Variants in SETD5 observed in about 807,000 individuals in gnomAD.
SETD5 encodes the protein SET domain containing 5, also known as histone-lysine N-methyltransferase SETD5.
SETD5 carries 44 observed loss-of-function variants against 153.3 expected under a neutral mutation model. The ratio of observed to expected loss-of-function variants is 0.29; its 90% CI spans 0.23 to 0.37. The LOEUF (loss-of-function observed/expected upper bound fraction) is 0.37. SETD5 is among the 10% of genes least tolerant of loss of function. The probability of loss-of-function intolerance (pLI) is 1.00; values close to 1 mark genes in which losing one functional copy is unlikely to be tolerated. For missense variants in SETD5, 1,544 were observed against 1,768.0 expected, an observed-to-expected ratio of 0.87 and a Z score of 2.27; for synonymous variants, 716 against 645.2, an observed-to-expected ratio of 1.11 and a Z score of -1.66.
intron 7 of SETD5, chr3:9,436,754 C>A: frequency 9.6e-7 from 1 of 1,038,686 alleles, no homozygotes; most frequent in Non-Finnish European, 1.4e-6. Context: ...CAGAATAGAA[C>A]ACTAGTTTGT....
intron 18 of SETD5, among the ~76,000 whole-genome samples, chr3:9,466,219 C>A (rs1305757556): frequency 7.2e-6 from 1 of 138,622 alleles, no homozygotes; most frequent in African/African-American, 2.7e-5. Flanking sequence ...ACCCGGGAGG[C>A]GGAGCTTGCA....
At chr3:9,409,518 A>G (rs563582511) in intron 1 of SETD5, among the ~76,000 whole-genome samples, 2 of 152,198 alleles carry the variant, frequency 1.3e-5, no homozygotes, top group Admixed American at 1.3e-4. Context: ...CTTTTGATTC[A>G]TTCTTAATAC....
intron 2 of SETD5, among the ~76,000 whole-genome samples, chr3:9,427,669 G>A (rs900358910): frequency 1.3e-5 from 2 of 152,106 alleles, no homozygotes; most frequent in Admixed American, 1.3e-4. Context: ...ATGAATCAGT[G>A]TATCAGTCAT....
intron 17 of SETD5, among the ~76,000 whole-genome samples, chr3:9,454,622 C>CAAAAAAAAAAAAAAAA (rs67028533): frequency 2.4e-4 from 14 of 57,984 alleles, no homozygotes; most frequent in Admixed American, 3.1e-4. Flanking sequence ...AACTCCGTCT[C>CAAAAAAAAAAAAAAAA]AAAAAAAAAA....
intron 17 of SETD5, among the ~76,000 whole-genome samples, chr3:9,457,075 CTT>C (rs1355449774): frequency 1.3e-5 from 2 of 152,056 alleles, no homozygotes; most frequent in Admixed American, 1.3e-4. Context: ...AAAGCTGAAA[CTT>C]TATAGAAATA....
At chr3:9,472,023 A>C (rs2045356492) in intron 19 of SETD5, among the ~76,000 whole-genome samples, 1 of 152,248 alleles carries the variant, frequency 6.6e-6, no homozygotes, top group Admixed American at 6.5e-5. Flanking sequence ...TAGAAGGAGG[A>C]GGAAACATTG....
chr3:9,445,081 A>C lies in SETD5; in HGVS notation c.1221A>C (p.Gly407=). ...NYKVDCACHK[G]NRNCPIQKRN... is the part of the protein sequence containing the mutation. Reference sequence around the variant, plus strand: ...AAGTGGACTGTGCCTGTCACAAGGGAAACCGGAATTGTCCTATACAAAAAA... The same window carrying C: ...AAGTGGACTGTGCCTGTCACAAGGGCAACCGGAATTGTCCTATACAAAAAA... The change falls in exon 12 of 23, where the codon GGA becomes GGC. Residue 407 remains glycine, a synonymous_variant. Transcript: ENST00000402198. The C allele has an allele frequency of 6.2e-7, 1 of 1,613,894 alleles. No homozygotes were observed. Among genetic ancestry groups the C allele is most frequent in the East Asian group, 2.2e-5 (1 of 44,886 alleles).
intron 8 of SETD5, among the ~76,000 whole-genome samples, chr3:9,441,233 G>T (rs1360420841): frequency 6.6e-6 from 1 of 151,840 alleles, no homozygotes; most frequent in African/African-American, 2.4e-5. Context: ...AGAGAGAGAT[G>T]ACTTAGTATG....
chr3:9,458,940 T>C (rs1304067529), intron 17 of SETD5, among the ~76,000 whole-genome samples: 1 of 152,204 alleles, frequency 6.6e-6, no homozygotes, highest in Non-Finnish European at 1.5e-5. Context: ...GACACATCTT[T>C]ATTAATCAAA....
rs1351011344 is a variant in SETD5, at chr3:9,424,792, C to T, written c.-117+266C>T. Among the ~76,000 whole-genome samples, 9 of 152,172 alleles carry T rather than the reference C, an allele frequency of 5.9e-5. No individual in the cohort carries two copies. In the East Asian group the frequency reaches 1.4e-3, roughly 23 times the overall value. On this transcript the variant is annotated intron_variant, in intron 2 of 22. Coordinates refer to ENST00000402198, the MANE Select transcript of SETD5 (RefSeq NM_001080517.3). ...TTTAGATGATCTGTTAAATGTTCCT[C>T]GGTTAACATTTTAATAGCTACATTT...
chr3:9,464,706 A>G (rs757090101), intron 18 of SETD5, 34 bp downstream of exon 18: 20 of 1,613,762 alleles, frequency 1.2e-5, no homozygotes, highest in East Asian at 4.5e-5. Flanking sequence ...AGTGCTGGAT[A>G]TGAAAATCAT....
chr3:9,403,730 A>G (rs990582923), intron 1 of SETD5, among the ~76,000 whole-genome samples: 2 of 152,166 alleles, frequency 1.3e-5, no homozygotes, highest in Non-Finnish European at 2.9e-5. Flanking sequence ...AGTTGCATCC[A>G]GTTTATTAAG....
chr3:9,448,496 A>G lies in SETD5; in HGVS notation c.2212A>G (p.Met738Val), dbSNP rs746312116. 1.2e-6 allele frequency: 2 copies of G among 1,613,960 alleles called. No homozygotes were observed. Among genetic ancestry groups the G allele is most frequent in the South Asian group, 1.1e-5 (1 of 91,078 alleles). Residue 738 changes from methionine to valine, a missense_variant, in exon 16 of 23, where the codon ATG becomes GTG. Physicochemically the swap from Met to Val is conservative, Grantham distance 21. Around this residue, in one of 9 missense-constraint regions of SETD5, gnomAD observed 782 missense variants for 787.2 expected, o/e 0.99. Transcript: ENST00000402198. The part of the protein sequence containing the change: ...DPTVLATTLN[M>V]LPGLIHSPLI... The stretch of plus-strand genomic sequence containing the variant: ...AACTGTACTGGCAACGACCCTAAAC[A>G]TGTTACCAGGTCTTATCCATTCCCC...
intron 8 of SETD5, 113 bp from the exon 9 acceptor site, chr3:9,441,480 T>A: frequency 1.0e-6 from 1 of 1,002,340 alleles, no homozygotes. Flanking sequence ...CTAAATAACA[T>A]GTACAGATAA....
At position 9,445,643 on chromosome 3, in the gene SETD5, C is replaced by T. The variant is rs2041848668; in HGVS notation, c.1441-14C>T. 2 of 1,605,746 alleles carry T rather than the reference C, an allele frequency of 1.2e-6. No individual in the cohort carries two copies. Among genetic ancestry groups the T allele is most frequent in the Non-Finnish European group, 1.7e-6 (2 of 1,173,014 alleles). On this transcript the variant is annotated splice_polypyrimidine_tract_variant and intron_variant, in intron 12 of 22. Coordinates refer to ENST00000402198, the MANE Select transcript of SETD5 (RefSeq NM_001080517.3). ...AGAGCTTGAGTACAGCTGAATATTG[C>T]CTCTATCTTAAAGGAAGTAGACAAT... is the stretch of plus-strand genomic sequence containing the variant.
chr3:9,447,004 G>A (rs753749677), intron 13 of SETD5, 46 bp from the exon 14 acceptor site: 35 of 1,447,644 alleles, frequency 2.4e-5, no homozygotes, highest in Middle Eastern at 2.0e-4. Flanking sequence ...CTATCCACTC[G>A]TCCTCATTTG....
chr3:9,455,038 T>G lies in SETD5; in HGVS notation c.2476+1170T>G, dbSNP rs936308410. Among the ~76,000 whole-genome samples the G allele has an allele frequency of 3.2e-4, 48 of 152,172 alleles. 1 individual carries two copies. The highest frequency in any genetic ancestry group is 2.9e-5 in the Non-Finnish European group (2 of 68,016). On this transcript the variant is annotated intron_variant, in intron 17 of 22. Coordinates refer to ENST00000402198, the MANE Select transcript of SETD5 (RefSeq NM_001080517.3). The stretch of plus-strand genomic sequence containing the variant: ...ATAAATGTAATGAACTTGAATTTAA[T>G]TAGATAAATTTTTAGTAGCAGATAT...
In SETD5 at chr3:9,472,907, C is replaced by T. The variant is rs79637979; in HGVS notation, c.3196-329C>T. Reference sequence around the variant, plus strand: ...TGTTGCAAATAACTGTGATAGCATGCTTCTGTTACTGTGTAATGGTAACCT... The same window carrying T: ...TGTTGCAAATAACTGTGATAGCATGTTTCTGTTACTGTGTAATGGTAACCT... On this transcript the variant is annotated intron_variant, in intron 19 of 22. Transcript: ENST00000402198. 7.9e-3 allele frequency among the ~76,000 whole-genome samples: 1,205 copies of T among 152,244 alleles called. 19 individuals are homozygous for T. The highest frequency in any genetic ancestry group is 0.026 in the African/African-American group (1,100 of 41,550).
At chr3:9,461,677 T>C (rs2043969001) in intron 17 of SETD5, among the ~76,000 whole-genome samples, 1 of 152,200 alleles carries the variant, frequency 6.6e-6, no homozygotes, top group Non-Finnish European at 1.5e-5. Context: ...TCATAATAAG[T>C]ACTCAGTAAA....
Sources: gnomAD v4.1 joint callset for allele counts (sites outside exome capture counted in the v4.1 genomes callset) on GRCh38, gnomAD v4.1.1 for gene constraint, gnomAD v4.1.1 regional missense constraint, MANE v1.5 for transcripts, NCBI Gene and HGNC (gene_info 2026-07-23, HGNC 2026-07-21) for gene names.